The following FAM83B variants were observed in gnomAD, a reference collection of about 807,000 sequenced individuals.
FAM83B encodes the protein protein FAM83B.
A neutral mutation model predicts 38.8 loss-of-function variants in FAM83B; 26 were observed. The ratio of observed to expected loss-of-function variants is 0.67; its 90% confidence interval spans 0.49 to 0.93. The LOEUF is 0.93. Among genes scored for constraint, FAM83B ranks in the 40% least tolerant of loss-of-function variants. The probability of loss-of-function intolerance (pLI) is 0.00; values close to 1 mark genes in which losing one functional copy is unlikely to be tolerated. For missense variants in FAM83B, 1,237 were observed against 1,197.3 expected (o/e 1.03, Z -0.49); for synonymous variants, 419 against 423.1 (o/e 0.99, Z 0.12).
intron 2 of FAM83B, among the ~76,000 whole-genome samples, chr6:54,904,518 T>C (rs1772733469): frequency 6.6e-6 from 1 of 152,194 alleles, no homozygotes; most frequent in African/African-American, 2.4e-5. Context: ...TTTTAATATC[T>C]CTCACAGGTG....
intron 2 of FAM83B, among the ~76,000 whole-genome samples, chr6:54,876,275 G>GTGCA (rs1771990783): frequency 8.2e-6 from 1 of 121,510 alleles, no homozygotes; most frequent in Non-Finnish European, 1.7e-5. Flanking sequence ...TTATTTAGGA[G>GTGCA]TGCATATATA....
At chr6:54,868,387 C>G (rs1202250731) in intron 1 of FAM83B, among the ~76,000 whole-genome samples, 2 of 152,002 alleles carry the variant, frequency 1.3e-5, no homozygotes, top group African/African-American at 2.4e-5. Context: ...CAAATCTTCC[C>G]TTTTGAGAAC....
chr6:54,890,653 C>T (rs189278826), intron 2 of FAM83B, among the ~76,000 whole-genome samples: 1 of 152,088 alleles, frequency 6.6e-6, no homozygotes, highest in East Asian at 1.9e-4. Flanking sequence ...TCCCTGCCCT[C>T]CCCTCATCTT....
intron 2 of FAM83B, among the ~76,000 whole-genome samples, chr6:54,915,776 G>A (rs1424154870): frequency 2.5e-5 from 2 of 79,938 alleles, no homozygotes; most frequent in Middle Eastern, 8.9e-3. Flanking sequence ...ACTGCAGTCC[G>A]CAGTCCGGCC....
chr6:54,918,629 G>A (rs1773100149), intron 2 of FAM83B, among the ~76,000 whole-genome samples: 1 of 152,120 alleles, frequency 6.6e-6, no homozygotes, highest in East Asian at 1.9e-4. Context: ...CAGCATGGAG[G>A]TAACCACCCC....
chr6:54,879,314 T>C (rs1772070871), intron 2 of FAM83B, among the ~76,000 whole-genome samples: 1 of 152,046 alleles, frequency 6.6e-6, no homozygotes, highest in Non-Finnish European at 1.5e-5. Context: ...ATACAGAATA[T>C]GAGATAAGAA....
chr6:54,877,290 TC>T (rs1772020037), intron 2 of FAM83B, among the ~76,000 whole-genome samples: 1 of 151,974 alleles, frequency 6.6e-6, no homozygotes, highest in Admixed American at 6.6e-5. Context: ...AGGCATCTTA[TC>T]AAAAGTTAAC....
chr6:54,922,252 T>C (rs1773188619), intron 2 of FAM83B, among the ~76,000 whole-genome samples: 2 of 152,066 alleles, frequency 1.3e-5, no homozygotes, highest in Admixed American at 1.3e-4. Flanking sequence ...ATGCAGACTA[T>C]CTGGCAAATT....
At chr6:54,869,952 A>G (rs1771804359) in intron 1 of FAM83B, among the ~76,000 whole-genome samples, 1 of 152,170 alleles carries the variant, frequency 6.6e-6, no homozygotes, top group South Asian at 2.1e-4. Flanking sequence ...TTAAATTGAG[A>G]TACCTTGGAA....
intron 2 of FAM83B, among the ~76,000 whole-genome samples, chr6:54,903,043 AAAT>A (rs1413142421): frequency 1.3e-5 from 2 of 152,214 alleles, no homozygotes; most frequent in Non-Finnish European, 2.9e-5. Context: ...AAAATAATAA[AAAT>A]AACCTCATAC....
chr6:54,876,027 CTT>C (rs1299690784), intron 2 of FAM83B, among the ~76,000 whole-genome samples: 1 of 151,934 alleles, frequency 6.6e-6, no homozygotes, highest in Non-Finnish European at 1.5e-5. Flanking sequence ...TCGTCAGTAA[CTT>C]AGAAATTTCA....
intron 2 of FAM83B, among the ~76,000 whole-genome samples, chr6:54,903,832 G>T (rs1772716430): frequency 6.6e-6 from 1 of 150,770 alleles, no homozygotes; most frequent in African/African-American, 2.4e-5. Flanking sequence ...GACATTTTCT[G>T]TACAGTCTTA....
At chr6:54,883,025 G>A (rs1025609556) in intron 2 of FAM83B, among the ~76,000 whole-genome samples, 1 of 151,926 alleles carries the variant, frequency 6.6e-6, no homozygotes, top group Non-Finnish European at 1.5e-5. Flanking sequence ...CTCACTGCAA[G>A]CTCCGCCTCC....
chr6:54,920,066 T>G (rs1416524946), intron 2 of FAM83B, among the ~76,000 whole-genome samples: 1 of 151,990 alleles, frequency 6.6e-6, no homozygotes, highest in Non-Finnish European at 1.5e-5. Flanking sequence ...TAAGCAATAC[T>G]ATAGTGCACA....
At chr6:54,903,289 A>G (rs898160593) in intron 2 of FAM83B, among the ~76,000 whole-genome samples, 4 of 152,214 alleles carry the variant, frequency 2.6e-5, no homozygotes, top group African/African-American at 9.6e-5. Context: ...GTATATTTGA[A>G]TCATGCTTTT....
chr6:54,886,763 G>A (rs557497360), intron 2 of FAM83B, among the ~76,000 whole-genome samples: 27 of 150,644 alleles, frequency 1.8e-4, no homozygotes, highest in African/African-American at 6.1e-4. Flanking sequence ...TCTATTTTAC[G>A]TTGTATTATT....
chr6:54,884,830 T>C (rs541506246), intron 2 of FAM83B, among the ~76,000 whole-genome samples: 1 of 151,496 alleles, frequency 6.6e-6, no homozygotes, highest in East Asian at 2.0e-4. Context: ...TGGAGTGCAG[T>C]GGTGAGATCT....
At chr6:54,910,414 C>G (rs1772877809) in intron 2 of FAM83B, among the ~76,000 whole-genome samples, 1 of 152,174 alleles carries the variant, frequency 6.6e-6, no homozygotes, top group Admixed American at 6.5e-5. Context: ...CCGCCTCTAC[C>G]GGATCTATTT....
chr6:54,943,083 A>C lies in FAM83B; in HGVS notation c.*1076A>C, dbSNP rs534791699. 4 of 152,156 alleles carry C rather than the reference A, an allele frequency of 2.6e-5. No individual in the cohort carries two copies. The highest frequency in any genetic ancestry group is 1.9e-4 in the East Asian group (1 of 5,168). 9.4% of individuals were successfully genotyped at this position (152,156 alleles called of 1,614,324 possible). Reference sequence around the variant, plus strand: ...ACACCCGGCTAATTTTTGTATTTTCAGAAGAGATGGGATTTCACCATGTTG... The same window carrying C: ...ACACCCGGCTAATTTTTGTATTTTCCGAAGAGATGGGATTTCACCATGTTG... On this transcript the variant is annotated 3_prime_UTR_variant, in exon 5 of 5. Coordinates refer to ENST00000306858, the MANE Select transcript of FAM83B (RefSeq NM_001010872.3).
Sources: gnomAD v4.1 joint callset for allele counts (sites outside exome capture counted in the v4.1 genomes callset) on GRCh38, gnomAD v4.1.1 for gene constraint, MANE v1.5 for transcripts, NCBI Gene and HGNC (gene_info 2026-07-23, HGNC 2026-07-21) for gene names.